RYR2: variants seen among roughly 807,000 people sequenced by gnomAD.
RYR2 encodes cardiac muscle ryanodine receptor-calcium release channel.
RYR2 carries 227 observed loss-of-function variants against 601.1 expected under a neutral mutation model. The observed-to-expected ratio is 0.38, with a 90% confidence interval of 0.34 to 0.42. RYR2 has a LOEUF of 0.42. Ranked by LOEUF, RYR2 falls within the 10% of genes least tolerant of loss-of-function variation. The probability of loss-of-function intolerance (pLI) is 1.00; values close to 1 mark genes in which losing one functional copy is unlikely to be tolerated. For missense variants in RYR2, 4,646 were observed against 6,156.5 expected, an observed-to-expected ratio of 0.75 and a Z score of 8.21; for synonymous variants, 2,223 against 2,175.1, an observed-to-expected ratio of 1.02 and a Z score of -0.61.
intron 1 of RYR2, among the ~76,000 whole-genome samples, chr1:237,187,181 T>G (rs1679439789): frequency 6.6e-6 from 1 of 152,080 alleles, no homozygotes; most frequent in African/African-American, 2.4e-5. Flanking sequence ...GACTTTTTTT[T>G]TTTTTTTGAG....
At chr1:237,790,922 A>T (rs943994861) in intron 92 of RYR2, among the ~76,000 whole-genome samples, 1 of 149,520 alleles carries the variant, frequency 6.7e-6, no homozygotes. Context: ...CCACCCCCAC[A>T]CATCAGTCTC....
intron 3 of RYR2, among the ~76,000 whole-genome samples, chr1:237,337,025 TG>T (rs1453553449): frequency 1.3e-5 from 2 of 151,832 alleles, no homozygotes; most frequent in African/African-American, 2.4e-5. Context: ...CTGAGGCATG[TG>T]GATCACTTGA....
At chr1:237,516,287 C>A (rs942854081) in intron 24 of RYR2, among the ~76,000 whole-genome samples, 1 of 135,662 alleles carries the variant, frequency 7.4e-6, no homozygotes, top group Non-Finnish European at 1.6e-5. Context: ...ATTTTTCTTT[C>A]GTATTTTTTT....
intron 1 of RYR2, among the ~76,000 whole-genome samples, chr1:237,064,854 G>T (rs746504360): frequency 1.4e-5 from 2 of 143,014 alleles, no homozygotes; most frequent in African/African-American, 2.7e-5. Flanking sequence ...CCTATGATTT[G>T]GTTGCTCTTC....
chr1:237,286,610 A>G (rs973110083), intron 2 of RYR2, among the ~76,000 whole-genome samples: 2 of 151,654 alleles, frequency 1.3e-5, no homozygotes, highest in Non-Finnish European at 2.9e-5. Context: ...TTTGTCTGAT[A>G]TAAGAATAGC....
chr1:237,524,943 A>C (rs2147890109), intron 24 of RYR2, among the ~76,000 whole-genome samples: 1 of 152,268 alleles, frequency 6.6e-6, no homozygotes, highest in South Asian at 2.1e-4. Context: ...TTTTAGAATC[A>C]GAGGGTACAT....
At chr1:237,274,805 T>C (rs566152289) in intron 2 of RYR2, among the ~76,000 whole-genome samples, 1 of 152,172 alleles carries the variant, frequency 6.6e-6, no homozygotes, top group Non-Finnish European at 1.5e-5. Context: ...ACTTTTTCTA[T>C]TTTGAGATAT....
chr1:237,174,668 C>G (rs1677813856), intron 1 of RYR2, among the ~76,000 whole-genome samples: 1 of 152,152 alleles, frequency 6.6e-6, no homozygotes. Context: ...GTTCTAATAT[C>G]CCGACTGCTT....
At chr1:237,146,296 G>A (rs1673990094) in intron 1 of RYR2, among the ~76,000 whole-genome samples, 1 of 152,128 alleles carries the variant, frequency 6.6e-6, no homozygotes, top group African/African-American at 2.4e-5. Context: ...TTAGTGTTTG[G>A]CTTCTATTGG....
At chr1:237,394,007 T>C (rs1046920961) in intron 10 of RYR2, among the ~76,000 whole-genome samples, 4 of 152,182 alleles carry the variant, frequency 2.6e-5, no homozygotes, top group Admixed American at 6.5e-5. Flanking sequence ...TTAGAGTATA[T>C]GAATAGAAAA....
rs144369382 is a variant in RYR2 at position 237,792,378 on chromosome 1, T to C, written c.13782+55T>C. On this transcript the variant is annotated intron_variant, in intron 94 of 104. Transcript: ENST00000366574. ...GTGTGTGTGTGTGTGTGTGTGTGTG[T>C]GTGCGTGTGTGTGTGTGTGCGTGTG... 362,787 of 859,508 alleles carry C rather than the reference T, an allele frequency of 0.42. 79,064 individuals carry two copies. The highest frequency in any genetic ancestry group is 0.57 in the East Asian group (19,469 of 34,264). The allele number at this position is 859,508 out of a possible 1,614,324, so 53.2% of individuals were successfully genotyped here.
intron 16 of RYR2, among the ~76,000 whole-genome samples, chr1:237,464,249 A>G (rs891094420): frequency 2.6e-5 from 4 of 152,036 alleles, no homozygotes. Flanking sequence ...TTAGGGGCTT[A>G]TTTGGTTACA....
At chr1:237,563,499 C>A in intron 27 of RYR2, among the ~76,000 whole-genome samples, 1 of 149,962 alleles carries the variant, frequency 6.7e-6, no homozygotes, top group South Asian at 2.1e-4. Flanking sequence ...AAGTCCCTTG[C>A]ATGATAGTAT....
intron 17 of RYR2, among the ~76,000 whole-genome samples, chr1:237,484,085 C>T (rs1662417266): frequency 1.3e-5 from 2 of 152,154 alleles, no homozygotes. Flanking sequence ...TTCCTGTTTG[C>T]CTACCTCTAG....
intron 97 of RYR2, among the ~76,000 whole-genome samples, chr1:237,799,372 G>GAGTT (rs1659676646): frequency 6.6e-6 from 1 of 152,022 alleles, no homozygotes; most frequent in African/African-American, 2.4e-5. Context: ...TAGTTTTACT[G>GAGTT]AGTTATGCAT....
chr1:237,364,287 A>T lies in RYR2; in HGVS notation c.295-71A>T, dbSNP rs772914926. The T allele has an allele frequency of 3.0e-4, 411 of 1,376,792 alleles. 1 individual carries two copies. The highest frequency in any genetic ancestry group is 3.9e-4 in the Non-Finnish European group (388 of 996,086). 85.3% of individuals were successfully genotyped at this position (1,376,792 alleles called of 1,614,324 possible). A position where few individuals can be genotyped will look rare whatever the true frequency, so the allele number is the denominator to read the frequency against. On this transcript the variant is annotated intron_variant, in intron 4 of 104. Coordinates refer to ENST00000366574, the MANE Select transcript of RYR2 (RefSeq NM_001035.3). ...GGATAACGGAGTCTTTATAAATAAG[A>T]GATATTTTTAAGGAAGTCTTTGAGA...
At chr1:237,471,731 A>G (rs768348430) in intron 17 of RYR2, among the ~76,000 whole-genome samples, 7 of 152,250 alleles carry the variant, frequency 4.6e-5, no homozygotes, top group African/African-American at 1.7e-4. Context: ...TTACAGGCAC[A>G]GTTTCATCAG....
At chr1:237,696,913 T>G (rs1450180629) in intron 63 of RYR2, among the ~76,000 whole-genome samples, 1 of 152,166 alleles carries the variant, frequency 6.6e-6, no homozygotes, top group Non-Finnish European at 1.5e-5. Flanking sequence ...TATCTTCCAC[T>G]TTTGCTCTTC....
intron 3 of RYR2, among the ~76,000 whole-genome samples, chr1:237,331,679 T>C (rs1696741238): frequency 6.6e-6 from 1 of 151,170 alleles, no homozygotes; most frequent in African/African-American, 2.4e-5. Context: ...CTATTTTTTT[T>C]TTTTTTTTCT....
Sources: allele counts gnomAD v4.1 joint callset (sites outside exome capture counted in the v4.1 genomes callset), GRCh38; gene constraint gnomAD v4.1.1; transcripts MANE v1.5; gene names NCBI Gene and HGNC (gene_info 2026-07-23, HGNC 2026-07-21).